The following GLI3 variants were observed in gnomAD, a reference collection of about 807,000 sequenced individuals.
The protein encoded by GLI3 is transcription activator GLI3.
A neutral mutation model predicts 100.8 loss-of-function variants in GLI3; 20 were observed. The observed-to-expected ratio is 0.20, with a 90% CI of 0.14 to 0.29. The LOEUF is 0.29. Ranked by LOEUF, GLI3 falls within the 10% of genes least tolerant of loss-of-function variation. The pLI is 1.00. For missense variants in GLI3, 2,040 were observed against 2,128.5 expected, an observed-to-expected ratio of 0.96 and a Z score of 0.82; for synonymous variants, 938 against 860.5, an observed-to-expected ratio of 1.09 and a Z score of -1.58.
At chr7:42,145,817 T>G (rs1474729451) in intron 3 of GLI3, among the ~76,000 whole-genome samples, 1 of 152,122 alleles carries the variant, frequency 6.6e-6, no homozygotes, top group African/African-American at 2.4e-5. Context: ...TTGAGGCACT[T>G]AACATGTGCC....
chr7:42,221,232 A>G (rs181466114), intron 2 of GLI3, among the ~76,000 whole-genome samples: 127 of 152,326 alleles, frequency 8.3e-4, no homozygotes, highest in African/African-American at 2.9e-3. Context: ...AGACCAACTC[A>G]AGACAAATGC....
intron 7 of GLI3, among the ~76,000 whole-genome samples, chr7:42,028,384 A>C (rs1410408947): frequency 6.6e-6 from 1 of 152,230 alleles, no homozygotes; most frequent in East Asian, 1.9e-4. Context: ...AATTAAAAAT[A>C]GAGACCATTC....
chr7:42,246,426 T>G (rs1258344317), intron 1 of GLI3, among the ~76,000 whole-genome samples: 2 of 152,132 alleles, frequency 1.3e-5, no homozygotes, highest in African/African-American at 4.8e-5. Context: ...AGGAATGATG[T>G]GGGGGAATAA....
At chr7:42,112,595 A>G (rs1785739460) in intron 3 of GLI3, among the ~76,000 whole-genome samples, 2 of 146,182 alleles carry the variant, frequency 1.4e-5, no homozygotes, top group African/African-American at 5.5e-5. Flanking sequence ...TCATAAATAT[A>G]TATGCCCATT....
At chr7:41,999,218 G>T (rs531537476) in intron 10 of GLI3, among the ~76,000 whole-genome samples, 73 of 152,176 alleles carry the variant, frequency 4.8e-4, no homozygotes, top group African/African-American at 1.7e-3. Flanking sequence ...TAACATGGGG[G>T]AAAAATGAAA....
At chr7:42,236,515 C>G (rs1788797967) in intron 1 of GLI3, among the ~76,000 whole-genome samples, 1 of 152,162 alleles carries the variant, frequency 6.6e-6, no homozygotes, top group Non-Finnish European at 1.5e-5. Context: ...GAGGTCCCCG[C>G]GCGCACCCAC....
intron 7 of GLI3, among the ~76,000 whole-genome samples, chr7:42,031,380 C>G (rs1789293178): frequency 6.6e-6 from 1 of 152,082 alleles, no homozygotes; most frequent in African/African-American, 2.4e-5. Flanking sequence ...CCAGATCTTC[C>G]CAAGCAACGT....
intron 5 of GLI3, among the ~76,000 whole-genome samples, chr7:42,046,061 T>C (rs957880282): frequency 4.6e-5 from 7 of 152,220 alleles, no homozygotes; most frequent in African/African-American, 1.7e-4. Context: ...AGCTACAATT[T>C]TACATTCCAT....
intron 11 of GLI3, among the ~76,000 whole-genome samples, 196 bp downstream of exon 11, chr7:41,978,403 C>A (rs1455472721): frequency 6.6e-6 from 1 of 152,230 alleles, no homozygotes; most frequent in Non-Finnish European, 1.5e-5. Flanking sequence ...GCCACCACTG[C>A]CCCCTTGCCA....
At chr7:42,132,931 A>G (rs1218749618) in intron 3 of GLI3, among the ~76,000 whole-genome samples, 1 of 152,142 alleles carries the variant, frequency 6.6e-6, no homozygotes, top group East Asian at 1.9e-4. Flanking sequence ...AAAAAACACA[A>G]GTAATCTTCA....
intron 3 of GLI3, among the ~76,000 whole-genome samples, chr7:42,085,797 T>C (rs1343267948): frequency 6.6e-6 from 1 of 152,186 alleles, no homozygotes; most frequent in Non-Finnish European, 1.5e-5. Flanking sequence ...AGGCTCAGCA[T>C]ATCAAGAGGT....
At chr7:42,179,524 T>A (rs896974464) in intron 2 of GLI3, among the ~76,000 whole-genome samples, 3 of 152,110 alleles carry the variant, frequency 2.0e-5, no homozygotes, top group Non-Finnish European at 2.9e-5. Context: ...GACAACAGAC[T>A]CTAGTAAAGC....
At chr7:42,209,697 T>C (rs1181333581) in intron 2 of GLI3, among the ~76,000 whole-genome samples, 1 of 152,132 alleles carries the variant, frequency 6.6e-6, no homozygotes, top group Non-Finnish European at 1.5e-5. Context: ...GCAGGCAGAA[T>C]CTTTTGAATT....
intron 10 of GLI3, among the ~76,000 whole-genome samples, chr7:42,001,292 C>T (rs907952917): frequency 6.6e-6 from 1 of 150,822 alleles, no homozygotes; most frequent in Admixed American, 6.6e-5. Flanking sequence ...CAGAAGTATC[C>T]TCCCAAAGAG....
intron 2 of GLI3, among the ~76,000 whole-genome samples, chr7:42,184,268 C>T (rs1411005678): frequency 1.3e-5 from 2 of 152,232 alleles, no homozygotes; most frequent in African/African-American, 2.4e-5. Flanking sequence ...GTGAAACACA[C>T]CATGCCTAGG....
In GLI3 at chr7:42,045,375, G is replaced by A. The variant is rs776625548; in HGVS notation, c.826+9C>T. On this transcript the variant is annotated intron_variant, in intron 6 of 14. Coordinates refer to ENST00000395925, the MANE Select transcript of GLI3 (RefSeq NM_000168.6). ...TCCCAAGACTCTAGAAACCAGCCCC[G>A]TCACTTACTATCCATAGCATGAAGA... The A allele has an allele frequency of 5.6e-6, 9 of 1,612,794 alleles. No individual in the cohort carries two copies. The highest frequency in any genetic ancestry group is 2.2e-5 in the East Asian group (1 of 44,884).
intron 1 of GLI3, among the ~76,000 whole-genome samples, chr7:42,248,428 AC>A (rs1007309855): frequency 6.6e-6 from 1 of 152,240 alleles, no homozygotes; most frequent in Non-Finnish European, 1.5e-5. Context: ...GTTCTAAATC[AC>A]AGAGGCCTAT....
intron 2 of GLI3, among the ~76,000 whole-genome samples, chr7:42,158,630 G>C (rs1262634288): frequency 3.3e-5 from 5 of 151,872 alleles, no homozygotes; most frequent in Admixed American, 2.6e-4. Flanking sequence ...GCATGAGAGA[G>C]AGAGAGCCAA....
chr7:42,107,077 A>G lies in GLI3; in HGVS notation c.368-30220T>C, dbSNP rs200340450. ...ACACCTGTAATCCTCGCATTTTGGG[A>G]GGCCGAGGCTGGCAAACTGCTTGAG... On this transcript the variant is annotated intron_variant, in intron 3 of 14. Coordinates refer to ENST00000395925, the MANE Select transcript of GLI3 (RefSeq NM_000168.6). Among the ~76,000 whole-genome samples, 65 of 152,288 alleles carry G rather than the reference A, an allele frequency of 4.3e-4. 1 individual carries two copies. The East Asian group carries it at 0.012, about 28-fold the overall frequency.
Sources: gnomAD v4.1 joint callset for allele counts (sites outside exome capture counted in the v4.1 genomes callset) on GRCh38, gnomAD v4.1.1 for gene constraint, MANE v1.5 for transcripts, NCBI Gene and HGNC (gene_info 2026-07-23, HGNC 2026-07-21) for gene names.